The following QTMAN variants were observed in gnomAD, a reference collection of about 807,000 sequenced individuals.
The protein encoded by QTMAN is tRNA-queuosine alpha-mannosyltransferase.
the QTMAN span, among the ~76,000 whole-genome samples, chr2:144,206,392 G>C: frequency 1.3e-5 from 2 of 152,108 alleles, no homozygotes; most frequent in Non-Finnish European, 2.9e-5. Context: ...TTCAATCTAG[G>C]ATTGAATGCA....
At chr2:144,208,527 T>C in the QTMAN span, 4 of 1,216,994 alleles carry the variant, frequency 3.3e-6, no homozygotes, top group South Asian at 2.8e-5. Flanking sequence ...TTCTCAAAGA[T>C]ACTGATGGAG....
At chr2:144,240,066 T>G in the QTMAN span, among the ~76,000 whole-genome samples, 1 of 152,240 alleles carries the variant, frequency 6.6e-6, no homozygotes, top group African/African-American at 2.4e-5. Flanking sequence ...TTCTTCCCTT[T>G]GCAAAATGCA....
chr2:144,215,249 T>TAA, the QTMAN span, among the ~76,000 whole-genome samples: 181 of 139,706 alleles, frequency 1.3e-3, 1 homozygote, highest in African/African-American at 3.7e-3. Flanking sequence ...CTTTATTTTT[T>TAA]AAAAAAAAAA....
chr2:144,083,825 G>A, the QTMAN span, among the ~76,000 whole-genome samples: 6 of 152,100 alleles, frequency 3.9e-5, no homozygotes, highest in Non-Finnish European at 8.8e-5. Flanking sequence ...AGGCACAAAA[G>A]GCAAAATGAG....
At chr2:144,092,241 T>A in the QTMAN span, among the ~76,000 whole-genome samples, 1 of 151,810 alleles carries the variant, frequency 6.6e-6, no homozygotes, top group African/African-American at 2.4e-5. Context: ...AGTGGCATGA[T>A]CTCGGCTCAC....
At chr2:144,324,372 T>C in the QTMAN span, among the ~76,000 whole-genome samples, 1 of 152,174 alleles carries the variant, frequency 6.6e-6, no homozygotes, top group Non-Finnish European at 1.5e-5. Flanking sequence ...AGATAGTTCA[T>C]TAATTCACAC....
chr2:144,331,489 C>G, the QTMAN span, among the ~76,000 whole-genome samples: 2 of 151,532 alleles, frequency 1.3e-5, no homozygotes, highest in Non-Finnish European at 2.9e-5. Context: ...TCATCATCAA[C>G]TCACGTTTTC....
chr2:144,135,623 A>G, the QTMAN span, among the ~76,000 whole-genome samples: 1 of 152,122 alleles, frequency 6.6e-6, no homozygotes, highest in Non-Finnish European at 1.5e-5. Flanking sequence ...GCTTTCTCTT[A>G]TAATGTTACC....
chr2:144,087,882 A>G, the QTMAN span, among the ~76,000 whole-genome samples: 1 of 152,080 alleles, frequency 6.6e-6, no homozygotes, highest in African/African-American at 2.4e-5. Flanking sequence ...CTTTCCTTTA[A>G]TAACTGGAAC....
At chr2:144,324,001 T>A in the QTMAN span, among the ~76,000 whole-genome samples, 1 of 152,186 alleles carries the variant, frequency 6.6e-6, no homozygotes, top group African/African-American at 2.4e-5. Context: ...CAACCACCTT[T>A]TTATTGTCCT....
the QTMAN span, among the ~76,000 whole-genome samples, chr2:144,003,168 T>C: frequency 1.3e-5 from 2 of 151,928 alleles, no homozygotes; most frequent in Non-Finnish European, 2.9e-5. Context: ...TTGATAGGTA[T>C]AATCCCAACA....
the QTMAN span, among the ~76,000 whole-genome samples, chr2:144,056,393 T>C: frequency 6.6e-6 from 1 of 152,234 alleles, no homozygotes; most frequent in South Asian, 2.1e-4. Context: ...TTTATGATTG[T>C]GGCAATCAAA....
the QTMAN span, among the ~76,000 whole-genome samples, chr2:144,202,600 T>G: frequency 2.0e-5 from 3 of 152,176 alleles, no homozygotes; most frequent in Non-Finnish European, 4.4e-5. Flanking sequence ...ATAGCATATT[T>G]TGCATCCATT....
the QTMAN span, among the ~76,000 whole-genome samples, chr2:144,291,828 G>C: frequency 6.6e-6 from 1 of 152,032 alleles, no homozygotes; most frequent in Non-Finnish European, 1.5e-5. Flanking sequence ...ACTACCACTT[G>C]TCTGAATCAT....
the QTMAN span, among the ~76,000 whole-genome samples, chr2:144,288,004 A>G: frequency 2.0e-5 from 3 of 151,872 alleles, no homozygotes; most frequent in African/African-American, 7.3e-5. Flanking sequence ...ACAGGCGCAC[A>G]CCACCACACC....
the QTMAN span, among the ~76,000 whole-genome samples, chr2:144,185,486 C>G: frequency 6.6e-6 from 1 of 152,166 alleles, no homozygotes; most frequent in Non-Finnish European, 1.5e-5. Context: ...AAAGCTGATG[C>G]ACTTGTTATT....
the QTMAN span, among the ~76,000 whole-genome samples, chr2:144,099,054 A>C: frequency 2.6e-5 from 4 of 152,208 alleles, no homozygotes; most frequent in Admixed American, 6.5e-5. Context: ...GCACCTAACA[A>C]TCAAATGGCT....
chr2:144,037,841 A>G, the QTMAN span, among the ~76,000 whole-genome samples: 1 of 152,200 alleles, frequency 6.6e-6, no homozygotes, highest in Non-Finnish European at 1.5e-5. Flanking sequence ...TAACAACTCA[A>G]TAGTACGATC....
the QTMAN span, among the ~76,000 whole-genome samples, chr2:144,091,865 C>G: frequency 6.6e-6 from 1 of 152,050 alleles, no homozygotes; most frequent in South Asian, 2.1e-4. Context: ...AAAGAATGGA[C>G]TATTAGACAC....
Sources: allele counts gnomAD v4.1 joint callset (sites outside exome capture counted in the v4.1 genomes callset), GRCh38; gene constraint gnomAD v4.1.1; transcripts MANE v1.5; gene names NCBI Gene and HGNC (gene_info 2026-07-23, HGNC 2026-07-21).